The following ESRRG variants were observed in gnomAD, a reference collection of about 807,000 sequenced individuals.
ESRRG encodes the protein estrogen related receptor gamma.
In ESRRG, 13 loss-of-function variants were observed where a neutral mutation model predicts 44.0. The ratio of observed to expected loss-of-function variants is 0.30; its 90% confidence interval spans 0.19 to 0.47. The LOEUF (loss-of-function observed/expected upper bound fraction) is 0.47, where lower values mean the gene tolerates loss of function less well. Among genes scored for constraint, ESRRG ranks in the 20% least tolerant of loss-of-function variants. The probability of loss-of-function intolerance (pLI) is 1.00; values close to 1 mark genes in which losing one functional copy is unlikely to be tolerated. For synonymous variants in ESRRG, 215 were observed against 214.6 expected (o/e 1.00, Z -0.02); for missense variants, 395 against 580.6 (o/e 0.68, Z 3.29).
intron 2 of ESRRG, among the ~76,000 whole-genome samples, chr1:216,817,944 C>T (rs1319849644): frequency 6.6e-6 from 1 of 151,778 alleles, no homozygotes; most frequent in Non-Finnish European, 1.5e-5. Context: ...TTTAACAATG[C>T]ATATGAGGTC....
chr1:216,691,623 T>G (rs2151736022), intron 1 of ESRRG, among the ~76,000 whole-genome samples: 1 of 152,168 alleles, frequency 6.6e-6, no homozygotes, highest in Non-Finnish European at 1.5e-5. Flanking sequence ...TGAAAAGGGG[T>G]TTCTGTAGAA....
chr1:216,949,993 A>C (rs1295755811), intron 1 of ESRRG, among the ~76,000 whole-genome samples: 1 of 150,552 alleles, frequency 6.6e-6, no homozygotes, highest in African/African-American at 2.5e-5. Flanking sequence ...TTGTATTTTT[A>C]GTTGAGAAGG....
intron 2 of ESRRG, among the ~76,000 whole-genome samples, chr1:216,761,093 G>GA (rs1282393476): frequency 4.0e-5 from 6 of 149,678 alleles, no homozygotes; most frequent in Admixed American, 2.0e-4. Context: ...GTCTAGGAGA[G>GA]AAAAAAAAGG....
At chr1:216,618,940 G>A (rs1313132792) in intron 3 of ESRRG, among the ~76,000 whole-genome samples, 4 of 152,200 alleles carry the variant, frequency 2.6e-5, no homozygotes, top group Non-Finnish European at 4.4e-5. Flanking sequence ...TCCTTGGCAC[G>A]TGTGATTTAC....
At chr1:216,725,453 G>T (rs1288198322), upstream of ESRRG, among the ~76,000 whole-genome samples, 1 of 151,686 alleles carries the variant, frequency 6.6e-6, no homozygotes, top group Non-Finnish European at 1.5e-5. Flanking sequence ...AAAAAAAATT[G>T]TCTATTCAAT....
intron 1 of ESRRG, among the ~76,000 whole-genome samples, chr1:217,002,847 G>A (rs2077221837): frequency 1.3e-5 from 2 of 152,068 alleles, no homozygotes; most frequent in Non-Finnish European, 1.5e-5. Flanking sequence ...CCAACAACTG[G>A]TGACTGCAAC....
At chr1:216,783,154 C>G (rs1387959404) in intron 2 of ESRRG, among the ~76,000 whole-genome samples, 1 of 151,974 alleles carries the variant, frequency 6.6e-6, no homozygotes, top group Non-Finnish European at 1.5e-5. Flanking sequence ...AAATGCTTTT[C>G]AGGTGAGAAC....
chr1:216,649,040 C>T (rs982105547), intron 3 of ESRRG, among the ~76,000 whole-genome samples: 2 of 152,078 alleles, frequency 1.3e-5, no homozygotes, highest in African/African-American at 4.8e-5. Flanking sequence ...ATAAAGAGCT[C>T]CACTTCACAA....
intron 5 of ESRRG, among the ~76,000 whole-genome samples, chr1:216,554,216 G>T (rs995713205): frequency 9.2e-5 from 14 of 152,234 alleles, no homozygotes; most frequent in Non-Finnish European, 1.6e-4. Flanking sequence ...CACTTTGGAA[G>T]GCTGGGGTGG....
At chr1:217,110,742 T>C (rs1350436154) in intron 1 of ESRRG, among the ~76,000 whole-genome samples, 1 of 152,092 alleles carries the variant, frequency 6.6e-6, no homozygotes, top group African/African-American at 2.4e-5. Flanking sequence ...GCCCCCAGGA[T>C]CCAAACACAT....
chr1:217,114,285 T>A (rs1424037488), intron 1 of ESRRG, among the ~76,000 whole-genome samples: 2 of 151,808 alleles, frequency 1.3e-5, no homozygotes, highest in Non-Finnish European at 2.9e-5. Context: ...AGTTATGTTA[T>A]CCCCTCACAC....
intron 2 of ESRRG, among the ~76,000 whole-genome samples, chr1:216,918,815 C>T (rs1248374768): frequency 6.7e-6 from 1 of 148,268 alleles, no homozygotes; most frequent in Non-Finnish European, 1.5e-5. Flanking sequence ...ACCTGAAAAC[C>T]AGAGTAACAT....
chr1:216,505,845 C>T lies in ESRRG; in HGVS notation c.*1094G>A, dbSNP rs2041098586. On this transcript the variant is annotated 3_prime_UTR_variant, in exon 7 of 7. Coordinates refer to ENST00000408911, the MANE Select transcript of ESRRG (RefSeq NM_001438.4). ...AACTATTGCTTGAGTAAGTTAAATT[C>T]CCATATTAATAAATGGCTGAAAAGT... 1 of 152,622 alleles carries T rather than the reference C, an allele frequency of 6.6e-6. No homozygotes were observed. Among genetic ancestry groups the T allele is most frequent in the African/African-American group, 2.4e-5 (1 of 41,534 alleles). 9.5% of individuals were successfully genotyped at this position (152,622 alleles called of 1,614,324 possible). A position where few individuals can be genotyped will look rare whatever the true frequency, so the allele number is the denominator to read the frequency against.
chr1:216,773,317 G>A (rs899058496), intron 2 of ESRRG, among the ~76,000 whole-genome samples: 26 of 152,136 alleles, frequency 1.7e-4, no homozygotes, highest in Admixed American at 1.4e-3. Context: ...CTTGCTTTTG[G>A]TTTAAAACTT....
At chr1:216,723,193 A>ACCCCCGCCCCCC in intron 1 of ESRRG, 51 bp downstream of exon 1, 3 of 863,454 alleles carry the variant, frequency 3.5e-6, no homozygotes, top group Non-Finnish European at 5.4e-6. Context: ...GTCCGCCCCC[A>ACCCCCGCCCCCC]CCCCCGCACC....
At chr1:216,636,371 A>G (rs2065293658) in intron 3 of ESRRG, among the ~76,000 whole-genome samples, 1 of 152,230 alleles carries the variant, frequency 6.6e-6, no homozygotes, top group Non-Finnish European at 1.5e-5. Context: ...TAAAATACCC[A>G]GCCCTGAAGA....
At chr1:216,945,343 T>TA in intron 1 of ESRRG, among the ~76,000 whole-genome samples, 1 of 152,236 alleles carries the variant, frequency 6.6e-6, no homozygotes, top group Non-Finnish European at 1.5e-5. Context: ...ATCAATTATT[T>TA]AAAAGATGTA....
At chr1:216,510,929 A>G (rs1334205104) in intron 6 of ESRRG, among the ~76,000 whole-genome samples, 4 of 152,144 alleles carry the variant, frequency 2.6e-5, no homozygotes, top group Non-Finnish European at 5.9e-5. Flanking sequence ...CTACTCCAAA[A>G]TACCTAAGTC....
In ESRRG at chr1:216,584,834, T is replaced by C. The variant is rs6670052; in HGVS notation, c.590-16736A>G. Among the ~76,000 whole-genome samples the C allele has an allele frequency of 3.4e-3, 516 of 152,318 alleles. 4 individuals carry two copies. Among genetic ancestry groups the C allele is most frequent in the African/African-American group, 0.01 (416 of 41,566 alleles). On this transcript the variant is annotated intron_variant, in intron 3 of 6. Transcript: ENST00000408911. ...AATTCCCTATATTTTCCTCCCTAAT[T>C]TGATTTACTTTTTTATTGCTGAGGA...
Sources: gnomAD v4.1 joint callset for allele counts (sites outside exome capture counted in the v4.1 genomes callset) on GRCh38, gnomAD v4.1.1 for gene constraint, MANE v1.5 for transcripts, NCBI Gene and HGNC (gene_info 2026-07-23, HGNC 2026-07-21) for gene names.